Variants in POFUT3 observed in about 807,000 individuals in gnomAD.
POFUT3 encodes the protein GDP-fucose protein O-fucosyltransferase 3.
the POFUT3 span, among the ~76,000 whole-genome samples, chr8:33,370,356 A>G: frequency 6.6e-6 from 1 of 152,006 alleles, no homozygotes; most frequent in African/African-American, 2.4e-5. Context: ...CTTCTTCTCA[A>G]AAAAAATAAA....
chr8:33,344,406 T>C, the POFUT3 span, among the ~76,000 whole-genome samples: 500 of 152,328 alleles, frequency 3.3e-3, 1 homozygote, highest in Non-Finnish European at 5.6e-3. Context: ...CGATGGTTAA[T>C]GAATATATAA....
At chr8:33,316,296 C>T in the POFUT3 span, among the ~76,000 whole-genome samples, 1 of 152,094 alleles carries the variant, frequency 6.6e-6, no homozygotes, top group Non-Finnish European at 1.5e-5. Context: ...TTCCTATCTT[C>T]CCCACTTTAC....
At chr8:33,447,716 A>G in the POFUT3 span, among the ~76,000 whole-genome samples, 146 of 152,348 alleles carry the variant, frequency 9.6e-4, 4 homozygotes, top group African/African-American at 3.4e-3. Context: ...AACAAAATTT[A>G]AAATGTAAAA....
At chr8:33,407,065 G>A in the POFUT3 span, among the ~76,000 whole-genome samples, 1 of 152,096 alleles carries the variant, frequency 6.6e-6, no homozygotes, top group Non-Finnish European at 1.5e-5. Context: ...TGATACTTAG[G>A]AAATACTGCC....
chr8:33,406,377 C>A, the POFUT3 span, among the ~76,000 whole-genome samples: 1 of 152,068 alleles, frequency 6.6e-6, no homozygotes, highest in Admixed American at 6.6e-5. Flanking sequence ...ATCTGACTGG[C>A]ATAGGGCTTG....
the POFUT3 span, chr8:33,461,234 G>GA: frequency 1.5e-6 from 1 of 685,160 alleles, no homozygotes; most frequent in South Asian, 2.0e-5. Flanking sequence ...AGGGAGGGAG[G>GA]AAGGAAGGAA....
chr8:33,309,179 TATATATATATATATATATATACAC>T, the POFUT3 span, among the ~76,000 whole-genome samples: 3 of 105,330 alleles, frequency 2.8e-5, no homozygotes, highest in African/African-American at 1.3e-4. Flanking sequence ...TATATATATA[TATATATATATATATATATATACAC>T]ACACATATTT....
the POFUT3 span, among the ~76,000 whole-genome samples, chr8:33,410,957 C>T: frequency 6.6e-6 from 1 of 152,156 alleles, no homozygotes; most frequent in East Asian, 1.9e-4. Context: ...CTAACAGCCA[C>T]TCACTCGGGT....
chr8:33,433,565 T>C, the POFUT3 span, among the ~76,000 whole-genome samples: 2 of 151,524 alleles, frequency 1.3e-5, no homozygotes, highest in African/African-American at 4.9e-5. Context: ...TGAGGGGAGA[T>C]TGTGCCACTG....
At chr8:33,446,609 T>C in the POFUT3 span, among the ~76,000 whole-genome samples, 1 of 152,166 alleles carries the variant, frequency 6.6e-6, no homozygotes, top group African/African-American at 2.4e-5. Flanking sequence ...ATTGCTCAAG[T>C]GTTTACTGTA....
At chr8:33,403,714 C>G in the POFUT3 span, among the ~76,000 whole-genome samples, 1 of 151,838 alleles carries the variant, frequency 6.6e-6, no homozygotes, top group Non-Finnish European at 1.5e-5. Context: ...AGAGTGAGAG[C>G]CTGTCTTTTA....
the POFUT3 span, among the ~76,000 whole-genome samples, chr8:33,464,239 C>T: frequency 6.6e-6 from 1 of 152,076 alleles, no homozygotes; most frequent in African/African-American, 2.4e-5. Context: ...TAGATTGCTA[C>T]CCCATCAACT....
chr8:33,423,736 A>G, the POFUT3 span, among the ~76,000 whole-genome samples: 4 of 150,386 alleles, frequency 2.7e-5, no homozygotes, highest in Admixed American at 2.0e-4. Flanking sequence ...AAAAATAGGG[A>G]TAACAGTTTC....
At chr8:33,400,155 G>C in the POFUT3 span, among the ~76,000 whole-genome samples, 9 of 149,016 alleles carry the variant, frequency 6.0e-5, no homozygotes, top group South Asian at 2.1e-4. Context: ...AAAAGATGGT[G>C]GGGGGGTGGG....
At chr8:33,424,693 C>T in the POFUT3 span, among the ~76,000 whole-genome samples, 783 of 152,284 alleles carry the variant, frequency 5.1e-3, 5 homozygotes, top group African/African-American at 0.018. Context: ...GATTCCCCTT[C>T]GACATTCCAC....
the POFUT3 span, among the ~76,000 whole-genome samples, chr8:33,441,426 G>T: frequency 7.0e-6 from 1 of 143,722 alleles, no homozygotes; most frequent in Non-Finnish European, 1.5e-5. Context: ...TATTGACCAG[G>T]CTGGAGTGCA....
chr8:33,455,671 A>C, the POFUT3 span: 1 of 361,580 alleles, frequency 2.8e-6, no homozygotes. Context: ...AAAGTAAGGC[A>C]CATTTACATT....
At chr8:33,331,815 A>G in the POFUT3 span, among the ~76,000 whole-genome samples, 1 of 151,952 alleles carries the variant, frequency 6.6e-6, no homozygotes, top group East Asian at 2.0e-4. Flanking sequence ...AGCTGGGACT[A>G]CAGGCGCCCG....
the POFUT3 span, among the ~76,000 whole-genome samples, chr8:33,465,405 T>TACAC: frequency 7.2e-6 from 1 of 139,602 alleles, no homozygotes; most frequent in African/African-American, 2.7e-5. Flanking sequence ...TATATATATA[T>TACAC]ACACACATAC....
Sources: allele counts gnomAD v4.1 joint callset (sites outside exome capture counted in the v4.1 genomes callset), GRCh38; gene constraint gnomAD v4.1.1; transcripts MANE v1.5; gene names NCBI Gene and HGNC (gene_info 2026-07-23, HGNC 2026-07-21).